The following B3GALT1 variants were observed in gnomAD, a reference collection of about 807,000 sequenced individuals.
B3GALT1 encodes the protein beta-1,3-galactosyltransferase 1.
Under a neutral mutation model 23.2 loss-of-function variants are expected in B3GALT1, and 10 were observed. The ratio of observed to expected loss-of-function variants is 0.43; its 90% CI spans 0.27 to 0.73. The LOEUF is 0.73. Among genes scored for constraint, B3GALT1 ranks in the 30% least tolerant of loss-of-function variants. B3GALT1 has a pLI of 0.21. For missense variants in B3GALT1, 299 were observed against 405.4 expected (o/e 0.74, Z 2.25); for synonymous variants, 156 against 141.5 (o/e 1.10, Z -0.73).
intron 4 of B3GALT1, among the ~76,000 whole-genome samples, chr2:167,865,308 C>T (rs1459264885): frequency 6.6e-6 from 1 of 152,182 alleles, no homozygotes; most frequent in South Asian, 2.1e-4. Flanking sequence ...ACTCAGGAAG[C>T]TGAGGCAGGA....
intron 2 of B3GALT1, among the ~76,000 whole-genome samples, chr2:167,524,204 G>T (rs1277368953): frequency 6.6e-6 from 1 of 152,014 alleles, no homozygotes; most frequent in Non-Finnish European, 1.5e-5. Flanking sequence ...CTTTTCATGA[G>T]GTTGGACATA....
chr2:167,756,818 G>A (rs762257996), intron 3 of B3GALT1, among the ~76,000 whole-genome samples: 3 of 152,172 alleles, frequency 2.0e-5, no homozygotes, highest in South Asian at 2.1e-4. Context: ...AGTAGAAGTC[G>A]TCCAGAAGGA....
intron 1 of B3GALT1, among the ~76,000 whole-genome samples, chr2:167,351,708 T>C (rs1697311130): frequency 1.3e-5 from 2 of 152,224 alleles, no homozygotes; most frequent in Admixed American, 1.3e-4. Flanking sequence ...TTAAAGGGAC[T>C]GAAACATTTG....
chr2:167,400,186 GTGTGTGTC>G (rs1359371461), intron 1 of B3GALT1, among the ~76,000 whole-genome samples: 1 of 151,600 alleles, frequency 6.6e-6, no homozygotes, highest in African/African-American at 2.4e-5. Flanking sequence ...GTGTGTGTGT[GTGTGTGTC>G]TGTGTGTGTG....
chr2:167,794,781 G>C (rs1161340461), intron 3 of B3GALT1, among the ~76,000 whole-genome samples: 1 of 152,058 alleles, frequency 6.6e-6, no homozygotes, highest in Non-Finnish European at 1.5e-5. Context: ...CTTTCATCCT[G>C]GTCATTTAAT....
intron 4 of B3GALT1, among the ~76,000 whole-genome samples, chr2:167,855,046 G>A (rs955863286): frequency 6.6e-6 from 1 of 152,114 alleles, no homozygotes; most frequent in African/African-American, 2.4e-5. Context: ...TATTGTTAAG[G>A]AAGTAGCCCA....
chr2:167,817,399 A>G (rs933519891), intron 3 of B3GALT1, among the ~76,000 whole-genome samples: 7 of 152,178 alleles, frequency 4.6e-5, no homozygotes, highest in African/African-American at 1.7e-4. Flanking sequence ...AGCACTTTCT[A>G]TGTATTCATT....
chr2:167,340,490 A>T (rs1002912202), intron 1 of B3GALT1, among the ~76,000 whole-genome samples: 1 of 152,160 alleles, frequency 6.6e-6, no homozygotes, highest in Non-Finnish European at 1.5e-5. Context: ...GACCAAAAAA[A>T]TAGTTAAATT....
intron 2 of B3GALT1, among the ~76,000 whole-genome samples, chr2:167,589,204 C>T (rs1427036901): frequency 6.6e-6 from 1 of 152,148 alleles, no homozygotes; most frequent in Non-Finnish European, 1.5e-5. Context: ...TTGCAGCCTC[C>T]CAAAGTGCTG....
chr2:167,305,427 G>C (rs187782666), intron 1 of B3GALT1, among the ~76,000 whole-genome samples: 1 of 151,986 alleles, frequency 6.6e-6, no homozygotes, highest in African/African-American at 2.4e-5. Context: ...CTGATATTTT[G>C]GTTAACACAA....
chr2:167,568,551 A>G (rs752195724), intron 2 of B3GALT1, among the ~76,000 whole-genome samples: 2 of 151,964 alleles, frequency 1.3e-5, no homozygotes, highest in African/African-American at 2.4e-5. Flanking sequence ...GTTACCTGTT[A>G]AGGACTTTGA....
Position 167,386,943 on chromosome 2 carries a change from C to T in B3GALT1, c.-511+93609C>T, listed in dbSNP as rs144104829. ...CGTTAACTGTCTCTCACCTCCTCTG[C>T]CGCTTGAGTGACTCCTTGGTTGCTT... is the stretch of plus-strand genomic sequence containing the variant. On this transcript the variant is annotated intron_variant, in intron 1 of 4. Transcript: ENST00000392690. Among the ~76,000 whole-genome samples, 4 of 152,296 alleles carry T rather than the reference C, an allele frequency of 2.6e-5. No homozygotes were observed. In the South Asian group the frequency reaches 6.2e-4, roughly 24 times the overall value.
intron 1 of B3GALT1, among the ~76,000 whole-genome samples, chr2:167,322,235 G>C (rs1165217202): frequency 6.6e-6 from 1 of 151,170 alleles, no homozygotes; most frequent in East Asian, 1.9e-4. Context: ...GGATTATTCT[G>C]ATAAAATTGT....
intron 1 of B3GALT1, among the ~76,000 whole-genome samples, chr2:167,379,288 C>T (rs1697808757): frequency 6.6e-6 from 1 of 152,092 alleles, no homozygotes; most frequent in East Asian, 1.9e-4. Context: ...TCAGTTACCT[C>T]CACCTGATCT....
intron 1 of B3GALT1, among the ~76,000 whole-genome samples, chr2:167,428,812 C>CTG (rs1676771802): frequency 6.6e-6 from 1 of 152,052 alleles, no homozygotes. Context: ...ACAATACAAG[C>CTG]TGAGAGTATA....
At chr2:167,771,580 AAAAC>A (rs1448257862) in intron 3 of B3GALT1, among the ~76,000 whole-genome samples, 8 of 152,362 alleles carry the variant, frequency 5.3e-5, no homozygotes, top group African/African-American at 9.6e-5. Flanking sequence ...CAAAAAAACA[AAAAC>A]AAACAAACAA....
chr2:167,361,212 GTTTTTTTTTT>G (rs66780629), intron 1 of B3GALT1, among the ~76,000 whole-genome samples: 1 of 104,214 alleles, frequency 9.6e-6, no homozygotes, highest in Non-Finnish European at 2.0e-5. Context: ...TCCCCCACTA[GTTTTTTTTTT>G]TTTTTTTTTT....
At chr2:167,388,705 C>T (rs924008022) in intron 1 of B3GALT1, among the ~76,000 whole-genome samples, 10 of 152,162 alleles carry the variant, frequency 6.6e-5, no homozygotes, top group Admixed American at 1.3e-4. Flanking sequence ...TGCTTCGCCT[C>T]ACCCCAGGTC....
At chr2:167,449,520 T>C (rs1446116675) in intron 1 of B3GALT1, among the ~76,000 whole-genome samples, 1 of 152,218 alleles carries the variant, frequency 6.6e-6, no homozygotes, top group African/African-American at 2.4e-5. Context: ...TTTCTAGATA[T>C]ATGATCATAT....
Sources: gnomAD v4.1 joint callset for allele counts (sites outside exome capture counted in the v4.1 genomes callset) on GRCh38, gnomAD v4.1.1 for gene constraint, MANE v1.5 for transcripts, NCBI Gene and HGNC (gene_info 2026-07-23, HGNC 2026-07-21) for gene names.